The following ZNF407 variants were observed in gnomAD, a reference collection of about 807,000 sequenced individuals.
ZNF407 encodes zinc finger protein 407.
A neutral mutation model predicts 131.2 loss-of-function variants in ZNF407; 17 were observed. The observed-to-expected ratio is 0.13, with a 90% CI of 0.09 to 0.19. ZNF407 has a LOEUF of 0.19. ZNF407 is among the 10% of genes least tolerant of loss of function. The pLI, the probability that ZNF407 is intolerant of heterozygous loss-of-function variation, is 1.00. For missense variants in ZNF407, 2,681 were observed against 2,830.6 expected (o/e 0.95, Z 1.20); for synonymous variants, 1,156 against 1,062.0 (o/e 1.09, Z -1.72).
At chr18:74,783,381 TG>T (rs1319952795) in intron 4 of ZNF407, among the ~76,000 whole-genome samples, 1 of 152,324 alleles carries the variant, frequency 6.6e-6, no homozygotes, top group African/African-American at 2.4e-5. Context: ...TACATCATTT[TG>T]GTTTTTACTT....
rs112944466 is a variant in ZNF407 at position 74,643,837 on chromosome 18, A to G, written c.4802+2715A>G. ...CAAAAACTGCCTTTTAAAGTTTTGT[A>G]TAAGTTGTATGAACCTAGACTGATT... On this transcript the variant is annotated intron_variant, in intron 3 of 8. Transcript: ENST00000299687. Among the ~76,000 whole-genome samples, 314 of 152,116 alleles carry G rather than the reference A, an allele frequency of 2.1e-3. 2 individuals carry two copies. Among genetic ancestry groups the G allele is most frequent in the African/African-American group, 7.1e-3 (295 of 41,548 alleles).
intron 8 of ZNF407, among the ~76,000 whole-genome samples, chr18:75,012,315 ATG>A (rs1407063393): frequency 9.9e-6 from 1 of 100,930 alleles, no homozygotes; most frequent in Non-Finnish European, 2.2e-5. Context: ...CACATAGTGT[ATG>A]TACACATAGT....
rs556586952 is a variant in ZNF407, at chr18:74,752,433, T to A, written c.4803-28995T>A. ...GTTGCCATTGCTTTTGGTGTTTTAG[T>A]CATGAAGTCCTTGCCCATGCCTATG... On this transcript the variant is annotated intron_variant, in intron 3 of 8. Coordinates refer to ENST00000299687, the MANE Select transcript of ZNF407 (RefSeq NM_017757.3). 3.3e-3 allele frequency among the ~76,000 whole-genome samples: 495 copies of A among 152,266 alleles called. 3 individuals are homozygous for A. The highest frequency in any genetic ancestry group is 0.011 in the African/African-American group (464 of 41,570).
intron 3 of ZNF407, among the ~76,000 whole-genome samples, chr18:74,669,702 ATCTC>A (rs1202147172): frequency 6.6e-6 from 1 of 152,084 alleles, no homozygotes; most frequent in Non-Finnish European, 1.5e-5. Context: ...GCACGTGCTC[ATCTC>A]TGTGAAGTGC....
At chr18:74,643,853 T>G (rs1235981084) in intron 3 of ZNF407, among the ~76,000 whole-genome samples, 1 of 152,104 alleles carries the variant, frequency 6.6e-6, no homozygotes, top group Non-Finnish European at 1.5e-5. Flanking sequence ...TGTATGAACC[T>G]AGACTGATTT....
At chr18:74,809,625 G>A (rs796583648) in intron 4 of ZNF407, among the ~76,000 whole-genome samples, 9 of 152,270 alleles carry the variant, frequency 5.9e-5, no homozygotes, top group South Asian at 2.1e-4. Context: ...AAGAACTGGC[G>A]TATGGTTATA....
In ZNF407 at chr18:75,063,017, A is replaced by G; in HGVS notation, c.5429-133A>G. The G allele has an allele frequency of 1.2e-6, 1 of 810,742 alleles. No homozygotes were observed. The highest frequency in any genetic ancestry group is 1.9e-5 in the South Asian group (1 of 53,206). 50.2% of individuals were successfully genotyped at this position (810,742 alleles called of 1,614,324 possible). A position where few individuals can be genotyped will look rare whatever the true frequency, so the allele number is the denominator to read the frequency against. ...GGCCCTGCTGAAGCTTGCACTGTAGAGAGCTCTTCAGGGTTTGGAATAGGG... is the reference window on the plus strand; with the variant it reads ...GGCCCTGCTGAAGCTTGCACTGTAGGGAGCTCTTCAGGGTTTGGAATAGGG... On this transcript the variant is annotated intron_variant, in intron 8 of 8. Coordinates refer to ENST00000299687, the MANE Select transcript of ZNF407 (RefSeq NM_017757.3). The surrounding 1 kb of genome is among the most constrained non-coding windows in gnomAD (Gnocchi z 6.6).
intron 8 of ZNF407, among the ~76,000 whole-genome samples, chr18:75,029,323 A>G (rs1973209843): frequency 6.6e-6 from 1 of 152,226 alleles, no homozygotes; most frequent in Non-Finnish European, 1.5e-5. Context: ...TGAGTGTTTT[A>G]TATAGCCTGG....
intron 3 of ZNF407, among the ~76,000 whole-genome samples, chr18:74,734,790 G>T (rs1413387783): frequency 1.3e-5 from 2 of 151,742 alleles, no homozygotes; most frequent in Non-Finnish European, 2.9e-5. Context: ...CTGACATTTA[G>T]TTGAGATGTT....
At chr18:74,951,815 A>G (rs1311907318) in intron 8 of ZNF407, among the ~76,000 whole-genome samples, 2 of 152,110 alleles carry the variant, frequency 1.3e-5, no homozygotes, top group African/African-American at 4.8e-5. Flanking sequence ...AATTTCTAAG[A>G]TTATGATTTT....
Position 74,804,598 on chromosome 18 carries a change from CAG to C in ZNF407, c.4877+23098_4877+23099del, listed in dbSNP as rs1216319488. 4.1e-6 allele frequency: 4 copies of C among 984,748 alleles called. No homozygotes were observed. The South Asian group carries it at 1.4e-4, about 35-fold the overall frequency. 61.0% of individuals were successfully genotyped at this position (984,748 alleles called of 1,614,324 possible). On this transcript the variant is annotated intron_variant, in intron 4 of 8. Coordinates refer to ENST00000299687, the MANE Select transcript of ZNF407 (RefSeq NM_017757.3). ...CAATGGTACTATACATCTAAGAAAA[CAG>C]AAAGTAATTAAAATGCTGATTACTA...
At chr18:74,964,603 G>GTTTGTTTTT in intron 8 of ZNF407, among the ~76,000 whole-genome samples, 1 of 143,414 alleles carries the variant, frequency 7.0e-6, no homozygotes, top group Non-Finnish European at 1.5e-5. Flanking sequence ...TTTTTTTTGG[G>GTTTGTTTTT]TCTTCTGAAC....
intron 4 of ZNF407, among the ~76,000 whole-genome samples, chr18:74,861,413 CTT>C (rs1191939854): frequency 1.3e-5 from 2 of 152,228 alleles, no homozygotes; most frequent in Non-Finnish European, 2.9e-5. Flanking sequence ...AATGACATCA[CTT>C]AGCGGAATGT....
At chr18:75,062,982 G>A (rs1184114587) in intron 8 of ZNF407, 168 bp from the exon 9 acceptor site, 23 of 590,114 alleles carry the variant, frequency 3.9e-5, no homozygotes, top group Admixed American at 1.6e-4. Context: ...AGATGCCCAC[G>A]GAGGCCTCTG....
At chr18:74,988,262 A>T (rs1972676823) in intron 8 of ZNF407, among the ~76,000 whole-genome samples, 1 of 152,220 alleles carries the variant, frequency 6.6e-6, no homozygotes, top group African/African-American at 2.4e-5. Context: ...CTCAAAATGG[A>T]TCAAAAGCCT....
At chr18:74,896,006 T>G (rs531425466) in intron 7 of ZNF407, among the ~76,000 whole-genome samples, 1 of 152,308 alleles carries the variant, frequency 6.6e-6, no homozygotes, top group Non-Finnish European at 1.5e-5. Context: ...TAGATCTTGA[T>G]CTCTGTAGCA....
At position 75,038,436 on chromosome 18, in the gene ZNF407, C is replaced by T. The variant is rs553510886; in HGVS notation, c.5429-24714C>T. On this transcript the variant is annotated intron_variant, in intron 8 of 8. Coordinates refer to ENST00000299687, the MANE Select transcript of ZNF407 (RefSeq NM_017757.3). ...TGTACTCCTTTGTTTCTTAGCCTCA[C>T]AGAATGCTAGTTAGCTAGTTTAAAA... Among the ~76,000 whole-genome samples the T allele has an allele frequency of 7.2e-5, 11 of 152,280 alleles. No individual in the cohort carries two copies. In the South Asian group the frequency reaches 1.0e-3, roughly 14 times the overall value.
At chr18:74,624,640 C>G (rs1027339552) in intron 1 of ZNF407, among the ~76,000 whole-genome samples, 2 of 152,188 alleles carry the variant, frequency 1.3e-5, no homozygotes, top group Non-Finnish European at 1.5e-5. Flanking sequence ...AAATCCAGCT[C>G]TTAATATGGA....
intron 4 of ZNF407, among the ~76,000 whole-genome samples, chr18:74,796,732 C>G (rs954046177): frequency 2.5e-4 from 38 of 152,076 alleles, no homozygotes; most frequent in African/African-American, 8.9e-4. Flanking sequence ...AATGCACGCT[C>G]GAAGCTTGTT....
Sources: allele counts gnomAD v4.1 joint callset (sites outside exome capture counted in the v4.1 genomes callset), GRCh38; gene constraint gnomAD v4.1.1; non-coding constraint Gnocchi (gnomAD v3.1); transcripts MANE v1.5; gene names NCBI Gene and HGNC (gene_info 2026-07-23, HGNC 2026-07-21).